FHIP1A: variants seen among roughly 807,000 people sequenced by gnomAD.
The protein encoded by FHIP1A is FHF complex subunit HOOK-interacting protein 1A.
A neutral mutation model predicts 88.6 loss-of-function variants in FHIP1A; 61 were observed. The observed-to-expected ratio is 0.69, with a 90% confidence interval of 0.56 to 0.85. FHIP1A has a LOEUF of 0.85. Ranked by LOEUF, FHIP1A falls within the 40% of genes least tolerant of loss-of-function variation. The probability of loss-of-function intolerance (pLI) is 0.00; values close to 1 mark genes in which losing one functional copy is unlikely to be tolerated. For synonymous variants in FHIP1A, 478 were observed against 496.0 expected (o/e 0.96, Z 0.48); for missense variants, 1,154 against 1,273.5 (o/e 0.91, Z 1.43).
chr4:151,533,211 G>A (rs1474193412), intron 3 of FHIP1A, among the ~76,000 whole-genome samples: 6 of 152,112 alleles, frequency 3.9e-5, no homozygotes, highest in African/African-American at 1.2e-4. Flanking sequence ...CCTGGTTGAC[G>A]TGGCAAGACC....
chr4:151,520,993 T>C (rs1731424462), intron 3 of FHIP1A, among the ~76,000 whole-genome samples: 2 of 152,222 alleles, frequency 1.3e-5, no homozygotes, highest in Admixed American at 6.5e-5. Context: ...ATTCACTCAA[T>C]TATGGAAACA....
At chr4:151,616,448 T>TTTC (rs2126856026) in intron 7 of FHIP1A, among the ~76,000 whole-genome samples, 17 of 75,792 alleles carry the variant, frequency 2.2e-4, no homozygotes, top group Non-Finnish European at 4.0e-4. Flanking sequence ...TTCTTTCTTT[T>TTTC]TTTTTTTTTT....
rs11729923 is a variant in FHIP1A, at chr4:151,470,884, G to A, written c.-247-11640G>A. Reference sequence around the variant, plus strand: ...ATTTTCCTTTCTTTGGACTGTGGCCGTATTGTATTTTTGCTCCAGGATTTT... The same window carrying A: ...ATTTTCCTTTCTTTGGACTGTGGCCATATTGTATTTTTGCTCCAGGATTTT... On this transcript the variant is annotated intron_variant, in intron 2 of 13. Transcript: ENST00000435205. Among the ~76,000 whole-genome samples the A allele has an allele frequency of 3.9e-5, 6 of 151,968 alleles. No homozygotes were observed. The East Asian group carries it at 5.8e-4, about 15-fold the overall frequency.
chr4:151,468,742 A>G (rs1384801225), intron 2 of FHIP1A, among the ~76,000 whole-genome samples: 1 of 152,324 alleles, frequency 6.6e-6, no homozygotes, highest in East Asian at 1.9e-4. Context: ...TTAACTTACC[A>G]GGGCCTCATT....
chr4:151,526,324 G>A (rs546125542), intron 3 of FHIP1A, among the ~76,000 whole-genome samples: 1,947 of 151,994 alleles, frequency 0.013, 46 homozygotes, highest in African/African-American at 0.045. Context: ...TCACTTCCCA[G>A]TAGGGGCGGC....
chr4:151,498,877 A>G (rs1730554667), intron 3 of FHIP1A, among the ~76,000 whole-genome samples: 1 of 152,142 alleles, frequency 6.6e-6, no homozygotes, highest in Non-Finnish European at 1.5e-5. Context: ...TTCATCATCA[A>G]CCTCCCTTCC....
chr4:151,565,128 TC>T (rs142345006), intron 3 of FHIP1A, among the ~76,000 whole-genome samples: 39,604 of 152,046 alleles, frequency 0.26, 5,806 homozygotes, highest in Non-Finnish European at 0.33. Context: ...GCTTTTGTTT[TC>T]CAGGGTTCTG....
chr4:151,623,611 C>T (rs1321288210), intron 7 of FHIP1A, among the ~76,000 whole-genome samples: 2 of 148,414 alleles, frequency 1.3e-5, no homozygotes, highest in Non-Finnish European at 3.0e-5. Flanking sequence ...TTACTGAGTC[C>T]TTTCTATGTG....
chr4:151,557,145 ATG>A (rs776214479), intron 3 of FHIP1A, among the ~76,000 whole-genome samples: 10 of 152,218 alleles, frequency 6.6e-5, no homozygotes, highest in Non-Finnish European at 1.2e-4. Context: ...TTGTGAATAT[ATG>A]TGTTAATAAC....
At chr4:151,435,926 A>G (rs1372015457) in intron 1 of FHIP1A, among the ~76,000 whole-genome samples, 1 of 152,154 alleles carries the variant, frequency 6.6e-6, no homozygotes, top group Non-Finnish European at 1.5e-5. Context: ...CAGACTGATG[A>G]CCTATTTTCC....
chr4:151,504,544 A>G (rs1449876103), intron 3 of FHIP1A, among the ~76,000 whole-genome samples: 1 of 151,662 alleles, frequency 6.6e-6, no homozygotes, highest in Admixed American at 6.6e-5. Context: ...TTATTAGCTC[A>G]TCTAGCTGGG....
At chr4:151,462,366 AC>A (rs1342879426) in intron 2 of FHIP1A, among the ~76,000 whole-genome samples, 1 of 152,174 alleles carries the variant, frequency 6.6e-6, no homozygotes, top group East Asian at 1.9e-4. Flanking sequence ...GCCAATACTT[AC>A]CTGTTCACTG....
chr4:151,429,780 C>T (rs1580554589), intron 1 of FHIP1A, among the ~76,000 whole-genome samples: 1 of 139,776 alleles, frequency 7.2e-6, no homozygotes, highest in East Asian at 2.1e-4. Context: ...ATACGGGAGG[C>T]GGAGGTTGCA....
chr4:151,547,222 A>G (rs1304216296), intron 3 of FHIP1A, among the ~76,000 whole-genome samples: 1 of 152,206 alleles, frequency 6.6e-6, no homozygotes, highest in African/African-American at 2.4e-5. Flanking sequence ...ACCTGCAGAT[A>G]CAGTGCTGGT....
chr4:151,525,438 G>A (rs1478272170), intron 3 of FHIP1A, among the ~76,000 whole-genome samples: 1 of 152,232 alleles, frequency 6.6e-6, no homozygotes, highest in African/African-American at 2.4e-5. Flanking sequence ...AAAGGTGGGA[G>A]GTAGAGCAGC....
intron 3 of FHIP1A, among the ~76,000 whole-genome samples, chr4:151,562,633 C>G (rs966383900): frequency 2.0e-5 from 3 of 152,006 alleles, no homozygotes; most frequent in Non-Finnish European, 4.4e-5. Context: ...TTTATTTAAA[C>G]AGATAAAAGA....
chr4:151,512,845 TG>T (rs2126680160), intron 3 of FHIP1A, among the ~76,000 whole-genome samples: 1 of 152,266 alleles, frequency 6.6e-6, no homozygotes, highest in Non-Finnish European at 1.5e-5. Context: ...CTGAAAGTGA[TG>T]GGGAGAATGG....
At chr4:151,638,315 T>TTGTGTGTGTGTGTGTGTG (rs146664249) in intron 8 of FHIP1A, among the ~76,000 whole-genome samples, 4,843 of 143,688 alleles carry the variant, frequency 0.034, 137 homozygotes, top group Middle Eastern at 0.061. Context: ...AAATAGGAGA[T>TTGTGTGTGTGTGTGTGTG]TGTGTGTGTG....
intron 3 of FHIP1A, among the ~76,000 whole-genome samples, chr4:151,498,830 AT>A (rs1010225349): frequency 4.0e-4 from 61 of 152,238 alleles, no homozygotes; most frequent in African/African-American, 1.0e-3. Context: ...AAGAAAAAAA[AT>A]ATATGAAATA....
Sources: gnomAD v4.1 joint callset for allele counts (sites outside exome capture counted in the v4.1 genomes callset) on GRCh38, gnomAD v4.1.1 for gene constraint, MANE v1.5 for transcripts, NCBI Gene and HGNC (gene_info 2026-07-23, HGNC 2026-07-21) for gene names.